The following PLXNC1 variants were observed in gnomAD, a reference collection of about 807,000 sequenced individuals.
PLXNC1 encodes the protein plexin-C1.
In PLXNC1, 75 loss-of-function variants were observed where a neutral mutation model predicts 178.2. The observed-to-expected ratio is 0.42, with a 90% CI of 0.35 to 0.51. PLXNC1 has a LOEUF of 0.51. Among genes scored for constraint, PLXNC1 ranks in the 20% least tolerant of loss-of-function variants. The probability of loss-of-function intolerance (pLI) is 0.02; values close to 1 mark genes in which losing one functional copy is unlikely to be tolerated. For missense variants in PLXNC1, 1,503 were observed against 1,984.4 expected (o/e 0.76, Z 4.61); for synonymous variants, 790 against 779.9 (o/e 1.01, Z -0.22).
rs1294892951 is a variant in PLXNC1 at position 94,248,212 on chromosome 12, T to C, written c.2593-15T>C. ...ATGTGCTCTGATTTCTCCATCTTCA[T>C]TTTGTTCTTTACAGAAAGAAAATGA... On this transcript the variant is annotated splice_polypyrimidine_tract_variant and intron_variant, in intron 13 of 30. Transcript: ENST00000258526. The C allele has an allele frequency of 6.2e-7, 1 of 1,606,006 alleles. No homozygotes were observed. The highest frequency in any genetic ancestry group is 8.5e-7 in the Non-Finnish European group (1 of 1,175,282).
chr12:94,262,090 C>A (rs529930439), intron 20 of PLXNC1, among the ~76,000 whole-genome samples: 4 of 152,306 alleles, frequency 2.6e-5, no homozygotes, highest in Non-Finnish European at 4.4e-5. Flanking sequence ...GGACTCTCAC[C>A]CAGTTCCCTG....
chr12:94,215,657 G>C (rs1963626789), intron 5 of PLXNC1, among the ~76,000 whole-genome samples: 1 of 151,934 alleles, frequency 6.6e-6, no homozygotes, highest in South Asian at 2.1e-4. Flanking sequence ...GAATATAGTG[G>C]AAAGCTCAGA....
At chr12:94,218,700 C>T (rs1451429861) in intron 5 of PLXNC1, among the ~76,000 whole-genome samples, 4 of 149,752 alleles carry the variant, frequency 2.7e-5, no homozygotes, top group African/African-American at 4.9e-5. Context: ...CCCTACTATA[C>T]ACACACACAC....
At chr12:94,235,682 C>T (rs1204053368) in intron 9 of PLXNC1, among the ~76,000 whole-genome samples, 3 of 152,204 alleles carry the variant, frequency 2.0e-5, no homozygotes, top group Non-Finnish European at 2.9e-5. Context: ...GCTGCAGCTA[C>T]TCCACTCGAC....
At chr12:94,215,915 T>C (rs1850101471) in intron 5 of PLXNC1, among the ~76,000 whole-genome samples, 1 of 152,172 alleles carries the variant, frequency 6.6e-6, no homozygotes, top group African/African-American at 2.4e-5. Context: ...TGAAGCAATA[T>C]AGTATGTAAT....
chr12:94,248,813 G>A (rs1049794137), intron 14 of PLXNC1, among the ~76,000 whole-genome samples: 3 of 152,170 alleles, frequency 2.0e-5, no homozygotes, highest in Non-Finnish European at 4.4e-5. Context: ...AGCACACTCT[G>A]GGTAGCATTA....
intron 10 of PLXNC1, among the ~76,000 whole-genome samples, chr12:94,239,797 C>T (rs1295989197): frequency 2.0e-5 from 3 of 152,196 alleles, no homozygotes; most frequent in Non-Finnish European, 4.4e-5. Context: ...CATGTTGGCC[C>T]CAATGCTGAT....
At chr12:94,262,311 A>G (rs1226576543) in intron 20 of PLXNC1, among the ~76,000 whole-genome samples, 2 of 152,180 alleles carry the variant, frequency 1.3e-5, no homozygotes, top group African/African-American at 2.4e-5. Context: ...GGCTTTTTCC[A>G]TCTGGGCATC....
At chr12:94,203,788 C>T (rs1024684059) in intron 4 of PLXNC1, among the ~76,000 whole-genome samples, 57 of 152,244 alleles carry the variant, frequency 3.7e-4, no homozygotes, top group Non-Finnish European at 7.4e-5. Flanking sequence ...TAGGAAGGTG[C>T]GATGGTTTGA....
chr12:94,198,035 A>T (rs773993656), intron 4 of PLXNC1, among the ~76,000 whole-genome samples: 13 of 152,198 alleles, frequency 8.5e-5, no homozygotes, highest in Admixed American at 4.6e-4. Context: ...CTGGGATTCT[A>T]AGCACTAGCA....
chr12:94,179,056 A>T (rs1962205077), intron 2 of PLXNC1, among the ~76,000 whole-genome samples: 1 of 152,218 alleles, frequency 6.6e-6, no homozygotes. Context: ...GATGGAAGGA[A>T]GTCACTGATC....
chr12:94,221,217 G>A (rs554630702), intron 6 of PLXNC1, among the ~76,000 whole-genome samples: 5 of 152,322 alleles, frequency 3.3e-5, no homozygotes, highest in African/African-American at 1.2e-4. Context: ...CTGGCACAAC[G>A]TAGGCATTCA....
chr12:94,248,555 G>A, intron 14 of PLXNC1, 143 bp downstream of exon 14: 1 of 700,016 alleles, frequency 1.4e-6, no homozygotes, highest in Non-Finnish European at 2.3e-6. Context: ...GGTACTGCGA[G>A]CCCAAGCAAA....
chr12:94,166,231 G>A (rs1177497536), intron 1 of PLXNC1, among the ~76,000 whole-genome samples: 1 of 149,446 alleles, frequency 6.7e-6, no homozygotes, highest in African/African-American at 2.4e-5. Context: ...GTGTTGCTAT[G>A]TGCCAAACCT....
intron 14 of PLXNC1, 77 bp from the exon 15 acceptor site, chr12:94,251,349 C>T: frequency 2.4e-6 from 2 of 837,044 alleles, no homozygotes; most frequent in Non-Finnish European, 4.1e-6. Flanking sequence ...ATTGTGAAGC[C>T]ATTTTAGGGG....
At chr12:94,224,030 A>C (rs1245743197) in intron 6 of PLXNC1, among the ~76,000 whole-genome samples, 198 bp from the exon 7 acceptor site, 1 of 152,206 alleles carries the variant, frequency 6.6e-6, no homozygotes, top group African/African-American at 2.4e-5. Flanking sequence ...TGGAGGCTTG[A>C]GCTGTGCACT....
chr12:94,156,741 C>T (rs1208873090), intron 1 of PLXNC1, among the ~76,000 whole-genome samples: 2 of 148,920 alleles, frequency 1.3e-5, no homozygotes, highest in Non-Finnish European at 3.0e-5. Context: ...AGAGTCTCAC[C>T]CTGTCACCTA....
intron 20 of PLXNC1, among the ~76,000 whole-genome samples, chr12:94,262,350 G>A (rs766551379): frequency 1.1e-4 from 16 of 152,368 alleles, no homozygotes; most frequent in Non-Finnish European, 1.9e-4. Context: ...TGACAGGCGT[G>A]TGTGGGCGTT....
At chr12:94,253,583 G>A (rs1425914670) in intron 15 of PLXNC1, among the ~76,000 whole-genome samples, 1 of 152,130 alleles carries the variant, frequency 6.6e-6, no homozygotes, top group East Asian at 1.9e-4. Flanking sequence ...CACAATGCAT[G>A]TTATTAAGAC....
Sources: gnomAD v4.1 joint callset for allele counts (sites outside exome capture counted in the v4.1 genomes callset) on GRCh38, gnomAD v4.1.1 for gene constraint, MANE v1.5 for transcripts, NCBI Gene and HGNC (gene_info 2026-07-23, HGNC 2026-07-21) for gene names.